SUCLA2: variants seen among roughly 807,000 people sequenced by gnomAD.
SUCLA2 encodes succinate--CoA ligase [ADP-forming] subunit beta, mitochondrial.
A neutral mutation model predicts 54.8 loss-of-function variants in SUCLA2; 30 were observed. The ratio of observed to expected loss-of-function variants is 0.55; its 90% confidence interval spans 0.41 to 0.74. The LOEUF (loss-of-function observed/expected upper bound fraction) is 0.74, where lower values mean the gene tolerates loss of function less well. SUCLA2 is among the 30% of genes least tolerant of loss of function. The pLI is 0.00. For synonymous variants in SUCLA2, 172 were observed against 188.9 expected, an observed-to-expected ratio of 0.91 and a Z score of 0.74; for missense variants, 476 against 562.9, an observed-to-expected ratio of 0.85 and a Z score of 1.56.
At chr13:47,964,258 A>G (rs1408647750) in intron 6 of SUCLA2, among the ~76,000 whole-genome samples, 3 of 152,142 alleles carry the variant, frequency 2.0e-5, no homozygotes, top group Admixed American at 1.3e-4. Flanking sequence ...AAATAAAAAA[A>G]AAACTATAGA....
chr13:47,950,514 G>A (rs1417065180), intron 8 of SUCLA2, among the ~76,000 whole-genome samples: 2 of 152,194 alleles, frequency 1.3e-5, no homozygotes, highest in South Asian at 2.1e-4. Context: ...CAGGCCCTAA[G>A]AATCACCCAG....
chr13:47,994,587 A>C (rs1311906349), intron 2 of SUCLA2, among the ~76,000 whole-genome samples: 3 of 151,912 alleles, frequency 2.0e-5, no homozygotes, highest in Non-Finnish European at 2.9e-5. Context: ...AAAAAAAAAA[A>C]AACCACGAAA....
At chr13:47,988,429 GATT>G (rs1305887562) in intron 4 of SUCLA2, 109 bp downstream of exon 4, 9 of 1,263,500 alleles carry the variant, frequency 7.1e-6, no homozygotes, top group East Asian at 4.8e-5. Context: ...CATACAAACA[GATT>G]ATAATTTGTA....
chr13:47,945,422 CAAAAAAAAAAA>C (rs10661341), intron 10 of SUCLA2, among the ~76,000 whole-genome samples: 1 of 50,008 alleles, frequency 2.0e-5, no homozygotes, highest in African/African-American at 8.6e-5. Flanking sequence ...GACTCAGTCT[CAAAAAAAAAAA>C]AAAAAAAAAA....
intron 2 of SUCLA2, among the ~76,000 whole-genome samples, chr13:47,989,397 G>C (rs1429457317): frequency 6.6e-6 from 1 of 151,924 alleles, no homozygotes; most frequent in Non-Finnish European, 1.5e-5. Context: ...ATTTTTAGTA[G>C]AGACAGGGTT....
intron 5 of SUCLA2, among the ~76,000 whole-genome samples, chr13:47,970,148 T>C (rs1362987728): frequency 2.0e-5 from 3 of 151,874 alleles, no homozygotes; most frequent in South Asian, 4.1e-4. Flanking sequence ...ATCTTTTGTT[T>C]TGACCTATTT....
At chr13:47,988,400 A>G (rs1250733926) in intron 4 of SUCLA2, 141 bp downstream of exon 4, 15 of 930,120 alleles carry the variant, frequency 1.6e-5, no homozygotes, top group South Asian at 5.3e-5. Flanking sequence ...TTTAAATGAC[A>G]TAAATATCAT....
At chr13:47,993,082 T>C (rs2137748882) in intron 2 of SUCLA2, among the ~76,000 whole-genome samples, 1 of 152,100 alleles carries the variant, frequency 6.6e-6, no homozygotes, top group South Asian at 2.1e-4. Flanking sequence ...AATACAAAAA[T>C]TAGCCAGGCA....
In SUCLA2 at chr13:47,943,195, C is replaced by T. The variant is rs1239777345; in HGVS notation, c.*176G>A. ...CTGCATTATACATGCTTCGTACAAA[C>T]AGTCCATTCTGAATGGTACAATTAA... On this transcript the variant is annotated 3_prime_UTR_variant, in exon 11 of 11. Transcript: ENST00000646932. The T allele has an allele frequency of 7.3e-6, 5 of 687,046 alleles. No individual in the cohort carries two copies. In the East Asian group the frequency reaches 7.9e-5, roughly 11 times the overall value. The allele number at this position is 687,046 out of a possible 1,614,324, so 42.6% of individuals were successfully genotyped here.
At chr13:47,971,965 A>G in intron 5 of SUCLA2, 1 of 398,128 alleles carries the variant, frequency 2.5e-6, no homozygotes, top group Non-Finnish European at 4.4e-6. Context: ...AACAACAATG[A>G]AGGGACCGGA....
At position 47,943,086 on chromosome 13, in the gene SUCLA2, C is replaced by T; in HGVS notation, c.*285G>A. 2.5e-6 allele frequency: 1 copy of T among 394,322 alleles called. No individual in the cohort carries two copies. Among genetic ancestry groups the T allele is most frequent in the Non-Finnish European group, 4.7e-6 (1 of 213,530 alleles). The allele number at this position is 394,322 out of a possible 1,614,324, so 24.4% of individuals were successfully genotyped here. On this transcript the variant is annotated 3_prime_UTR_variant, in exon 11 of 11. Coordinates refer to ENST00000646932, the MANE Select transcript of SUCLA2 (RefSeq NM_003850.3). The stretch of plus-strand genomic sequence containing the variant: ...CTCTTATCAATGAAGAACTTTGTAT[C>T]CAACAATAATAAACTGGCAAATTGC...
intron 6 of SUCLA2, among the ~76,000 whole-genome samples, chr13:47,962,652 G>T (rs962781781): frequency 7.9e-5 from 12 of 152,238 alleles, no homozygotes; most frequent in African/African-American, 2.9e-4. Flanking sequence ...TTTGATTCCT[G>T]GGTGGCTACA....
At chr13:47,974,763 T>TTA (rs1056539557) in intron 4 of SUCLA2, among the ~76,000 whole-genome samples, 11 of 152,056 alleles carry the variant, frequency 7.2e-5, no homozygotes, top group Non-Finnish European at 1.5e-5. Flanking sequence ...ATCTACTAAT[T>TTA]TATGCATTAA....
At chr13:47,948,833 C>T (rs1026894226) in intron 10 of SUCLA2, 107 bp downstream of exon 10, 2 of 1,056,224 alleles carry the variant, frequency 1.9e-6, no homozygotes, top group Non-Finnish European at 3.0e-6. Flanking sequence ...CCATTCATTA[C>T]ACTCATAATA....
At chr13:47,959,405 AAGAAGGGAGAGGG>A (rs1324558337) in intron 6 of SUCLA2, among the ~76,000 whole-genome samples, 1 of 146,970 alleles carries the variant, frequency 6.8e-6, no homozygotes, top group African/African-American at 2.5e-5. Flanking sequence ...AATAAGAAAG[AAGAAGGGAGAGGG>A]AGAAGGAGGA....
At chr13:47,997,563 A>ACTG (rs1242639014) in intron 1 of SUCLA2, among the ~76,000 whole-genome samples, 1 of 152,146 alleles carries the variant, frequency 6.6e-6, no homozygotes, top group African/African-American at 2.4e-5. Context: ...CATAGCCCCC[A>ACTG]CTGCTGCTGC....
chr13:47,972,593 T>G (rs1221395639), intron 5 of SUCLA2, among the ~76,000 whole-genome samples: 1 of 148,634 alleles, frequency 6.7e-6, no homozygotes, highest in Non-Finnish European at 1.5e-5. Flanking sequence ...TGCTTGATCC[T>G]GGGAGGCGGA....
intron 5 of SUCLA2, among the ~76,000 whole-genome samples, chr13:47,972,452 T>C (rs1391769507): frequency 6.6e-6 from 1 of 151,950 alleles, no homozygotes; most frequent in Admixed American, 6.6e-5. Context: ...GTGGATCACC[T>C]GAGGTCAGGA....
intron 2 of SUCLA2, 132 bp from the exon 3 acceptor site, chr13:47,989,113 G>C: frequency 1.2e-6 from 1 of 831,616 alleles, no homozygotes; most frequent in Non-Finnish European, 2.0e-6. Context: ...CCAAAAATAA[G>C]GCATTCTCTT....
Sources: gnomAD v4.1 joint callset for allele counts (sites outside exome capture counted in the v4.1 genomes callset) on GRCh38, gnomAD v4.1.1 for gene constraint, MANE v1.5 for transcripts, NCBI Gene and HGNC (gene_info 2026-07-23, HGNC 2026-07-21) for gene names.